Variants in PLA2G4D observed in about 807,000 individuals in gnomAD.
PLA2G4D encodes the protein cytosolic phospholipase A2 delta.
In PLA2G4D, 80 loss-of-function variants were observed where a neutral mutation model predicts 94.4. The observed-to-expected ratio is 0.85, with a 90% CI of 0.71 to 1.02. The LOEUF (loss-of-function observed/expected upper bound fraction) is 1.02. PLA2G4D is among the 50% of genes least tolerant of loss of function. PLA2G4D has a pLI of 0.00. For synonymous variants in PLA2G4D, 438 were observed against 440.9 expected (o/e 0.99, Z 0.08); for missense variants, 1,050 against 1,034.7 (o/e 1.01, Z -0.20).
rs1408340924 is a variant in PLA2G4D, at chr15:42,094,548, G to A, written c.-89C>T. 6.7e-7 allele frequency: 1 copy of A among 1,503,498 alleles called. No individual in the cohort carries two copies. The highest frequency in any genetic ancestry group is 1.4e-5 in the African/African-American group (1 of 72,742). The allele number at this position is 1,503,498 out of a possible 1,614,324, so 93.1% of individuals were successfully genotyped here. On this transcript the variant is annotated 5_prime_UTR_variant, in exon 1 of 20. Transcript: ENST00000290472. Reference sequence around the variant, plus strand: ...GGCAGCGACGGTCCCAGTGGGATAGGACCAGCATGAATCTGCCAGCCTTCA... The same window carrying A: ...GGCAGCGACGGTCCCAGTGGGATAGAACCAGCATGAATCTGCCAGCCTTCA...
chr15:42,069,858 C>T, intron 19 of PLA2G4D, 51 bp downstream of exon 19: 1 of 1,332,666 alleles, frequency 7.5e-7, no homozygotes, highest in South Asian at 1.8e-5. Context: ...GGGCCCAGGG[C>T]AGGCCTCTGA....
chr15:42,094,362 C>A, intron 1 of PLA2G4D, 53 bp downstream of exon 1: 1 of 1,604,702 alleles, frequency 6.2e-7, no homozygotes, highest in Non-Finnish European at 8.5e-7. Context: ...AGAATGCACC[C>A]TGGCTCCAGG....
At position 42,070,882 on chromosome 15, in the gene PLA2G4D, G is replaced by T; in HGVS notation, c.1878C>A (p.Asp626Glu). The T allele has an allele frequency of 6.2e-7, 1 of 1,610,816 alleles. No individual in the cohort carries two copies. The highest frequency in any genetic ancestry group is 1.1e-5 in the South Asian group (1 of 90,296). The change falls in exon 18 of 20, where the codon GAC becomes GAA. Residue 626 changes from aspartate to glutamate, a missense_variant and splice_region_variant. By Grantham distance (45) the Asp-to-Glu change is conservative. Coordinates refer to ENST00000290472, the MANE Select transcript of PLA2G4D (RefSeq NM_178034.4). ...GGCTGGGCATGGAGTCAAGCTGGTAGTCTGGTGGGAATCGCAGGATGGTCA... is the reference window on the plus strand; with the variant it reads ...GGCTGGGCATGGAGTCAAGCTGGTATTCTGGTGGGAATCGCAGGATGGTCA... ...CSHKDFSTWA[D>E]YQLDSMPSQL...
intron 3 of PLA2G4D, among the ~76,000 whole-genome samples, chr15:42,086,792 C>T (rs1054703446): frequency 6.6e-6 from 1 of 152,292 alleles, no homozygotes; most frequent in Non-Finnish European, 1.5e-5. Flanking sequence ...GCGGAGGTTG[C>T]AGTGAGCCCA....
At chr15:42,091,215 T>C (rs1890239063) in intron 1 of PLA2G4D, among the ~76,000 whole-genome samples, 1 of 152,192 alleles carries the variant, frequency 6.6e-6, no homozygotes, top group Non-Finnish European at 1.5e-5. Context: ...TCCAGTATAA[T>C]AAAATATAAA....
In PLA2G4D at chr15:42,087,358, T is replaced by G; in HGVS notation, c.197A>C (p.Asp66Ala). ...CTCATTCCACACAGGATGACTGGTGTCGGTGAGCGTCTTGGTCTTAAACTT... is the reference window on the plus strand; with the variant it reads ...CTCATTCCACACAGGATGACTGGTGGCGGTGAGCGTCTTGGTCTTAAACTT... ...GMKFKTKTLT[D>A]TSHPVWNEAF... The change falls in exon 3 of 20, where the codon GAC becomes GCC. Residue 66 changes from aspartate (D) to alanine (A), a missense_variant. Coordinates refer to ENST00000290472, the MANE Select transcript of PLA2G4D (RefSeq NM_178034.4). 1 of 1,614,160 alleles carries G rather than the reference T, an allele frequency of 6.2e-7. No homozygotes were observed. Among genetic ancestry groups the G allele is most frequent in the Non-Finnish European group, 8.5e-7 (1 of 1,180,022 alleles).
intron 13 of PLA2G4D, among the ~76,000 whole-genome samples, chr15:42,073,205 C>T (rs1020731710): frequency 6.6e-6 from 1 of 152,164 alleles, no homozygotes; most frequent in Admixed American, 6.5e-5. Flanking sequence ...CATCATGTTG[C>T]CCAGGCTGGT....
rs1221511242 is a variant in PLA2G4D at position 42,080,985 on chromosome 15, C to T, written c.1094+12G>A. 6.2e-7 allele frequency: 1 copy of T among 1,612,986 alleles called. No homozygotes were observed. Among genetic ancestry groups the T allele is most frequent in the Admixed American group, 1.7e-5 (1 of 59,912 alleles). On this transcript the variant is annotated intron_variant, in intron 12 of 19. Transcript: ENST00000290472. ...TGATTGTCTCTGCCACCCAGTCCCC[C>T]AGGATCCTCACCACGTAGAGCCAGA...
Position 42,085,091 on chromosome 15 carries a change from C to T in PLA2G4D, c.471+5G>A. On this transcript the variant is annotated splice_donor_5th_base_variant and intron_variant, in intron 6 of 19. Coordinates refer to ENST00000290472, the MANE Select transcript of PLA2G4D (RefSeq NM_178034.4). ...CCCTCCCCTAAGCCTGGGGAAGGTG[C>T]TTACCACAATGACTTTGTTGGTGAT... The T allele has an allele frequency of 6.2e-7, 1 of 1,614,170 alleles. No individual in the cohort carries two copies. Among genetic ancestry groups the T allele is most frequent in the East Asian group, 2.2e-5 (1 of 44,880 alleles).
At chr15:42,070,915 C>T in intron 17 of PLA2G4D, 32 bp from the exon 18 acceptor site, 1 of 1,595,774 alleles carries the variant, frequency 6.3e-7, no homozygotes, top group African/African-American at 1.3e-5. Flanking sequence ...TCAGAGGCCA[C>T]CACCCTGCCA....
At position 42,086,194 on chromosome 15, in the gene PLA2G4D, T is replaced by TTGGGGGGGGCC; in HGVS notation, c.387+18_387+19insGGCCCCCCCCA. On this transcript the variant is annotated intron_variant, in intron 4 of 19. Coordinates refer to ENST00000290472, the MANE Select transcript of PLA2G4D (RefSeq NM_178034.4). ...GGAAGAAGTGGGGCCCACGGGGACT[T>TTGGGGGGGGCC]CCCCACCCACCCACCCACCTGGGGA... 3.4e-5 allele frequency: 47 copies of TTGGGGGGGGCC among 1,370,392 alleles called. No homozygotes were observed. Among genetic ancestry groups the TTGGGGGGGGCC allele is most frequent in the Non-Finnish European group, 4.4e-5 (46 of 1,043,040 alleles). The allele number at this position is 1,370,392 out of a possible 1,614,324, so 84.9% of individuals were successfully genotyped here.
intron 14 of PLA2G4D, 106 bp from the exon 15 acceptor site, chr15:42,072,017 C>T: frequency 7.1e-7 from 1 of 1,407,268 alleles, no homozygotes; most frequent in East Asian, 2.4e-5. Flanking sequence ...CTGAGCCCTG[C>T]TGTGCCTGGC....
chr15:42,087,624 T>C lies in PLA2G4D; in HGVS notation c.118+4A>G. 1 of 1,614,108 alleles carries C rather than the reference T, an allele frequency of 6.2e-7. No individual in the cohort carries two copies. The highest frequency in any genetic ancestry group is 8.5e-7 in the Non-Finnish European group (1 of 1,179,994). On this transcript the variant is annotated splice_donor_region_variant and intron_variant, in intron 2 of 19. Transcript: ENST00000290472. The stretch of plus-strand genomic sequence containing the variant: ...CCGACAGAGCGCACAGGGCGGTTAC[T>C]CACACAGGTCAGCCCAGCGCAGGTT...
At chr15:42,092,481 A>G (rs1219038561) in intron 1 of PLA2G4D, among the ~76,000 whole-genome samples, 1 of 152,236 alleles carries the variant, frequency 6.6e-6, no homozygotes, top group Non-Finnish European at 1.5e-5. Context: ...TTTGACTAAT[A>G]TGATTACTGA....
At chr15:42,075,165 T>C (rs1477983627) in intron 13 of PLA2G4D, among the ~76,000 whole-genome samples, 2 of 152,236 alleles carry the variant, frequency 1.3e-5, no homozygotes, top group African/African-American at 4.8e-5. Flanking sequence ...AGGTGTCTAA[T>C]AATACCACAA....
intron 13 of PLA2G4D, 79 bp downstream of exon 13, chr15:42,079,458 G>T (rs1457920732): frequency 7.3e-7 from 1 of 1,376,924 alleles, no homozygotes; most frequent in Non-Finnish European, 9.8e-7. Flanking sequence ...ATACGCACGC[G>T]CATGTCAGCC....
At chr15:42,069,016 G>C in intron 19 of PLA2G4D, 75 bp from the exon 20 acceptor site, 2 of 1,342,156 alleles carry the variant, frequency 1.5e-6, no homozygotes, top group African/African-American at 1.4e-5. Context: ...CACAGGGAGG[G>C]CTGCCCCCGC....
rs749487388 is a variant in PLA2G4D at position 42,071,594 on chromosome 15, G to A, written c.1574-43C>T. The A allele has an allele frequency of 2.7e-5, 43 of 1,567,584 alleles. No homozygotes were observed. The Admixed American group carries it at 2.8e-4, about 10-fold the overall frequency. On this transcript the variant is annotated intron_variant, in intron 15 of 19. Coordinates refer to ENST00000290472, the MANE Select transcript of PLA2G4D (RefSeq NM_178034.4). ...AGATCAGCCTCAGGCCCCAGCCAGC[G>A]GCCCCACCCTCAGGTACTGATGGAA...
In PLA2G4D at chr15:42,079,590, T is replaced by C; in HGVS notation, c.1264A>G (p.Thr422Ala). 6.2e-7 allele frequency: 1 copy of C among 1,609,190 alleles called. No individual in the cohort carries two copies. The highest frequency in any genetic ancestry group is 8.5e-7 in the Non-Finnish European group (1 of 1,178,752). The change falls in exon 13 of 20, where the codon ACG (threonine) becomes GCG (alanine). Residue 422 changes from threonine to alanine, a missense_variant. Thr to Ala is a moderately conservative substitution (Grantham distance 58, BLOSUM62 0). Coordinates refer to ENST00000290472, the MANE Select transcript of PLA2G4D (RefSeq NM_178034.4). ...LELRAEQGHP[T>A]TFVDLWALVL... ...AGCGCCCACAGGTCCACAAAGGTCGTGGGGTGGCCCTGCTCAGCCCGCAGC... is the reference window on the plus strand; with the variant it reads ...AGCGCCCACAGGTCCACAAAGGTCGCGGGGTGGCCCTGCTCAGCCCGCAGC...
Sources: allele counts gnomAD v4.1 joint callset (sites outside exome capture counted in the v4.1 genomes callset), GRCh38; gene constraint gnomAD v4.1.1; transcripts MANE v1.5; gene names NCBI Gene and HGNC (gene_info 2026-07-23, HGNC 2026-07-21).